The following DCC variants were observed in gnomAD, a reference collection of about 807,000 sequenced individuals.
The protein encoded by DCC is netrin receptor DCC.
Under a neutral mutation model 172.5 loss-of-function variants are expected in DCC, and 58 were observed. The observed-to-expected ratio is 0.34, with a 90% CI of 0.27 to 0.42. The LOEUF is 0.42. Among genes scored for constraint, DCC ranks in the 10% least tolerant of loss-of-function variants. DCC has a pLI of 1.00. For missense variants in DCC, 1,740 were observed against 1,791.0 expected, an observed-to-expected ratio of 0.97 and a Z score of 0.51; for synonymous variants, 709 against 644.5, an observed-to-expected ratio of 1.10 and a Z score of -1.52.
At chr18:52,410,257 C>G (rs1414682693) in intron 1 of DCC, among the ~76,000 whole-genome samples, 1 of 152,088 alleles carries the variant, frequency 6.6e-6, no homozygotes, top group African/African-American at 2.4e-5. Context: ...TATCCCATCT[C>G]TCTGAATAAA....
chr18:53,030,830 G>A (rs1382189364), intron 5 of DCC, among the ~76,000 whole-genome samples: 2 of 152,192 alleles, frequency 1.3e-5, no homozygotes, highest in Non-Finnish European at 2.9e-5. Context: ...AGGAGAAACA[G>A]TGAAATGAAA....
chr18:52,775,671 T>C (rs1299620516), intron 2 of DCC, among the ~76,000 whole-genome samples: 1 of 152,200 alleles, frequency 6.6e-6, no homozygotes, highest in Non-Finnish European at 1.5e-5. Flanking sequence ...TGTGCTCTTC[T>C]GCCAGAGTGC....
At chr18:52,343,554 T>C (rs1471551529) in intron 1 of DCC, among the ~76,000 whole-genome samples, 2 of 152,306 alleles carry the variant, frequency 1.3e-5, no homozygotes, top group East Asian at 1.9e-4. Flanking sequence ...GGTGACTTTT[T>C]AGTTGGCTTC....
rs571252507 is a variant in DCC, at chr18:53,060,458, A to T, written c.986-2847A>T. On this transcript the variant is annotated intron_variant, in intron 5 of 28. Coordinates refer to ENST00000442544, the MANE Select transcript of DCC (RefSeq NM_005215.4). ...TTAGAGAATCTGAATAGAAATAAAG[A>T]TATCAAGATAGCCAGAGAAGACAAG... is the stretch of plus-strand genomic sequence containing the variant. Among the ~76,000 whole-genome samples, 42 of 152,284 alleles carry T rather than the reference A, an allele frequency of 2.8e-4. 1 individual carries two copies. The South Asian group carries it at 8.5e-3, about 31-fold the overall frequency.
At chr18:53,158,988 C>CAAAAAAAAAAAAAAA (rs558049091) in intron 8 of DCC, among the ~76,000 whole-genome samples, 5 of 52,364 alleles carry the variant, frequency 9.5e-5, no homozygotes, top group African/African-American at 3.0e-4. Context: ...GACGCCATCT[C>CAAAAAAAAAAAAAAA]AAAAAAAAAA....
At chr18:52,923,934 A>G (rs2040162372) in intron 4 of DCC, 77 bp downstream of exon 4, 1 of 1,077,088 alleles carries the variant, frequency 9.3e-7, no homozygotes, top group South Asian at 1.3e-5. Flanking sequence ...CTCTAATTTG[A>G]TATAAGTACC....
At chr18:52,966,775 C>T (rs1000002772) in intron 5 of DCC, among the ~76,000 whole-genome samples, 1 of 152,208 alleles carries the variant, frequency 6.6e-6, no homozygotes, top group African/African-American at 2.4e-5. Context: ...ATGACTTTCT[C>T]TGTTTCAAAT....
At chr18:52,879,447 G>A (rs1214675218) in intron 2 of DCC, among the ~76,000 whole-genome samples, 1 of 30,030 alleles carries the variant, frequency 3.3e-5, no homozygotes, top group African/African-American at 1.3e-4. Context: ...TTTTTGAGAT[G>A]GAGTTTCACT....
rs368309027 is a variant in DCC, at chr18:53,007,019, C to T, written c.986-56286C>T. 9.9e-4 allele frequency among the ~76,000 whole-genome samples: 150 copies of T among 152,058 alleles called. 1 individual carries two copies. The highest frequency in any genetic ancestry group is 3.2e-3 in the African/African-American group (134 of 41,474). On this transcript the variant is annotated intron_variant, in intron 5 of 28. Coordinates refer to ENST00000442544, the MANE Select transcript of DCC (RefSeq NM_005215.4). ...CTATAGGCTGATTTGAAGTAGATGG[C>T]GAACCAAATCTGTAAGAATGCCATG... is the stretch of plus-strand genomic sequence containing the variant.
In DCC at chr18:53,217,310, T is replaced by TAC. The variant is rs34151927; in HGVS notation, c.1911+1737_1911+1738dup. On this transcript the variant is annotated intron_variant, in intron 12 of 28. Coordinates refer to ENST00000442544, the MANE Select transcript of DCC (RefSeq NM_005215.4). ...ACACACACACACACACATATGTATA[T>TAC]ACACACACACACACACACACACACA... 9.3e-3 allele frequency among the ~76,000 whole-genome samples: 1,380 copies of TAC among 148,490 alleles called. 39 individuals carry two copies. The highest frequency in any genetic ancestry group is 0.06 in the Admixed American group (885 of 14,836).
chr18:53,291,221 AT>A (rs1054695519), intron 12 of DCC, among the ~76,000 whole-genome samples: 4 of 151,958 alleles, frequency 2.6e-5, no homozygotes, highest in Admixed American at 1.3e-4. Context: ...AAATTATGTC[AT>A]TTTTTTCTCT....
chr18:52,678,893 A>G (rs75193967), intron 1 of DCC, among the ~76,000 whole-genome samples: 3,400 of 152,018 alleles, frequency 0.022, 65 homozygotes, highest in East Asian at 0.094. Context: ...TCTATTGTTA[A>G]ATTTACCAGC....
At chr18:52,896,216 A>AT (rs1353602554) in intron 2 of DCC, among the ~76,000 whole-genome samples, 2 of 152,158 alleles carry the variant, frequency 1.3e-5, no homozygotes, top group African/African-American at 2.4e-5. Context: ...GTCCTATCTC[A>AT]TTTTTGTTAT....
At chr18:52,632,567 AT>A (rs765851037) in intron 1 of DCC, among the ~76,000 whole-genome samples, 107 of 152,332 alleles carry the variant, frequency 7.0e-4, no homozygotes, top group Middle Eastern at 6.8e-3. Flanking sequence ...AGCTGAGTAA[AT>A]TTAAGGTCAA....
chr18:53,060,050 C>G (rs1248756368), intron 5 of DCC, among the ~76,000 whole-genome samples: 8 of 151,634 alleles, frequency 5.3e-5, no homozygotes, highest in African/African-American at 1.9e-4. Context: ...GTCACCCAGG[C>G]TGGAGAGCAG....
Position 52,951,008 on chromosome 18 carries a change from A to T in DCC, c.985+25638A>T, listed in dbSNP as rs530992513. On this transcript the variant is annotated intron_variant, in intron 5 of 28. Coordinates refer to ENST00000442544, the MANE Select transcript of DCC (RefSeq NM_005215.4). ...TCTCTTTAGCTATGACCACCTTGAA[A>T]TGGATAATCAGCATTTTCTCCTAAA... 3.3e-5 allele frequency among the ~76,000 whole-genome samples: 5 copies of T among 149,334 alleles called. No homozygotes were observed. The East Asian group carries it at 1.0e-3, about 30-fold the overall frequency.
rs965022022 is a variant in DCC at position 53,098,525 on chromosome 18, G to A, written c.1261+32359G>A. ...TCAACATGAATTTATCCAGTGTTTC[G>A]TGATGATTAGACCTAAGTTATGCAT... On this transcript the variant is annotated intron_variant, in intron 7 of 28. Coordinates refer to ENST00000442544, the MANE Select transcript of DCC (RefSeq NM_005215.4). Among the ~76,000 whole-genome samples, 3 of 152,094 alleles carry A rather than the reference G, an allele frequency of 2.0e-5. No homozygotes were observed. The South Asian group carries it at 6.2e-4, about 32-fold the overall frequency.
At chr18:53,335,095 T>G (rs1186284828) in intron 14 of DCC, among the ~76,000 whole-genome samples, 3 of 152,224 alleles carry the variant, frequency 2.0e-5, no homozygotes, top group Non-Finnish European at 2.9e-5. Context: ...TCTCTTACCC[T>G]TGATGTTCCA....
chr18:53,004,143 G>A (rs1475631930), intron 5 of DCC, among the ~76,000 whole-genome samples: 2 of 152,146 alleles, frequency 1.3e-5, no homozygotes, highest in African/African-American at 4.8e-5. Flanking sequence ...CCTTTTCAGT[G>A]CTGGTTTTAA....
Sources: gnomAD v4.1 joint callset for allele counts (sites outside exome capture counted in the v4.1 genomes callset) on GRCh38, gnomAD v4.1.1 for gene constraint, MANE v1.5 for transcripts, NCBI Gene and HGNC (gene_info 2026-07-23, HGNC 2026-07-21) for gene names.